The following CERS6 variants were observed in gnomAD, a reference collection of about 807,000 sequenced individuals.
The protein encoded by CERS6 is LAG1 homolog, ceramide synthase 6.
Under a neutral mutation model 56.8 loss-of-function variants are expected in CERS6, and 26 were observed. That is an observed-to-expected ratio of 0.46 (90% CI 0.34 to 0.63). CERS6 has a LOEUF of 0.63. CERS6 is among the 30% of genes least tolerant of loss of function. The pLI, the probability that CERS6 is intolerant of heterozygous loss-of-function variation, is 0.01. For missense variants in CERS6, 415 were observed against 467.5 expected, an observed-to-expected ratio of 0.89 and a Z score of 1.04; for synonymous variants, 164 against 173.3, an observed-to-expected ratio of 0.95 and a Z score of 0.42.
At chr2:168,648,579 T>G (rs1299935407) in intron 4 of CERS6, among the ~76,000 whole-genome samples, 2 of 152,184 alleles carry the variant, frequency 1.3e-5, no homozygotes, top group African/African-American at 4.8e-5. Flanking sequence ...GGGGTTCATT[T>G]GTTCTTGTTC....
intron 2 of CERS6, among the ~76,000 whole-genome samples, chr2:168,558,725 A>C (rs999558236): frequency 7.9e-5 from 12 of 152,134 alleles, no homozygotes; most frequent in Non-Finnish European, 1.2e-4. Flanking sequence ...AAAAATTAGC[A>C]GGGTGTGGTG....
chr2:168,657,417 C>T (rs895312831), intron 4 of CERS6, among the ~76,000 whole-genome samples: 5 of 152,268 alleles, frequency 3.3e-5, no homozygotes, highest in Admixed American at 3.3e-4. Flanking sequence ...GAGCTGCCTG[C>T]CAGTCCTGCG....
intron 4 of CERS6, among the ~76,000 whole-genome samples, chr2:168,640,790 GT>G (rs1025407405): frequency 6.6e-6 from 1 of 152,178 alleles, no homozygotes; most frequent in African/African-American, 2.4e-5. Context: ...AGAAGGCTGA[GT>G]TTTCCTGCTT....
chr2:168,661,733 T>G (rs919099428), intron 4 of CERS6, among the ~76,000 whole-genome samples: 2 of 152,194 alleles, frequency 1.3e-5, no homozygotes, highest in Non-Finnish European at 2.9e-5. Context: ...CTAGGATCCC[T>G]GGGGAGAGCC....
intron 6 of CERS6, among the ~76,000 whole-genome samples, chr2:168,707,991 T>C (rs1050256785): frequency 7.2e-5 from 11 of 152,294 alleles, no homozygotes; most frequent in South Asian, 6.2e-4. Context: ...ATTTTGTGAT[T>C]TATTTGCACA....
chr2:168,700,296 G>C (rs1015784134), intron 6 of CERS6, among the ~76,000 whole-genome samples: 10 of 152,176 alleles, frequency 6.6e-5, no homozygotes, highest in African/African-American at 2.4e-4. Flanking sequence ...GCTTCAGTTA[G>C]TTTTAGGGGA....
rs1685338623 is a variant in CERS6, at chr2:168,651,479, T to TGAGTGTAA, written c.465+20437_465+20438insGAGTGTAA. ...CGTTTTCATACTTGCTGTAAAGAAC[T>TGAGTGTAA]ACCTGAGACTGGGTGATTTATAAAG... is the stretch of plus-strand genomic sequence containing the variant. On this transcript the variant is annotated intron_variant, in intron 4 of 9. Transcript: ENST00000305747. 3.9e-5 allele frequency among the ~76,000 whole-genome samples: 6 copies of TGAGTGTAA among 152,360 alleles called. No homozygotes were observed. In the South Asian group the frequency reaches 1.2e-3, roughly 32 times the overall value.
At position 168,668,483 on chromosome 2, in the gene CERS6, G is replaced by C. The variant is rs181010147; in HGVS notation, c.466-22551G>C. Among the ~76,000 whole-genome samples the C allele has an allele frequency of 1.3e-4, 17 of 127,756 alleles. No individual in the cohort carries two copies. The East Asian group carries it at 2.0e-3, about 15-fold the overall frequency. 83.8% of individuals were successfully genotyped at this position (127,756 alleles called of 152,430 possible). On this transcript the variant is annotated intron_variant, in intron 4 of 9. Transcript: ENST00000305747. ...TTTTCTGGAGACAGAGTCTCATTCT[G>C]TCGCCCAGGCTGGAGTTCAGTGGCA...
At chr2:168,514,500 C>T (rs62175796) in intron 1 of CERS6, among the ~76,000 whole-genome samples, 4,278 of 152,338 alleles carry the variant, frequency 0.028, 77 homozygotes, top group Middle Eastern at 0.048. Flanking sequence ...CCACCACACA[C>T]TACATAAGGT....
intron 1 of CERS6, among the ~76,000 whole-genome samples, chr2:168,515,088 A>G (rs1694862216): frequency 6.6e-6 from 1 of 152,234 alleles, no homozygotes; most frequent in African/African-American, 2.4e-5. Context: ...TAGGAATAAA[A>G]TGAGATTTTA....
intron 1 of CERS6, among the ~76,000 whole-genome samples, chr2:168,535,431 C>T (rs1695242959): frequency 6.6e-6 from 1 of 152,128 alleles, no homozygotes; most frequent in African/African-American, 2.4e-5. Context: ...CTTACTGCTT[C>T]CCTTGGTTGG....
intron 4 of CERS6, among the ~76,000 whole-genome samples, chr2:168,686,614 A>G (rs1027954592): frequency 6.6e-6 from 1 of 152,110 alleles, no homozygotes; most frequent in Non-Finnish European, 1.5e-5. Context: ...CAGTGTTTCT[A>G]GGTAATAGCT....
At chr2:168,573,855 T>C (rs6705232) in intron 3 of CERS6, among the ~76,000 whole-genome samples, 134,534 of 152,062 alleles carry the variant, frequency 0.88, 59,775 homozygotes, top group East Asian at 1. Flanking sequence ...GCCTGGGATA[T>C]GGTTTGCAGA....
At chr2:168,672,574 A>G (rs1685949120) in intron 4 of CERS6, among the ~76,000 whole-genome samples, 1 of 152,236 alleles carries the variant, frequency 6.6e-6, no homozygotes, top group Non-Finnish European at 1.5e-5. Flanking sequence ...GACTGTGGCT[A>G]CTTGGCCATC....
intron 4 of CERS6, among the ~76,000 whole-genome samples, chr2:168,651,116 A>G (rs961853403): frequency 1.1e-4 from 16 of 152,172 alleles, no homozygotes; most frequent in African/African-American, 3.9e-4. Context: ...AATGGTGATA[A>G]TTAGATTTTC....
intron 1 of CERS6, among the ~76,000 whole-genome samples, chr2:168,501,392 T>C (rs1242651298): frequency 1.3e-5 from 2 of 152,150 alleles, no homozygotes; most frequent in African/African-American, 4.8e-5. Flanking sequence ...AGTCAATAGG[T>C]TGGAGGTCGT....
chr2:168,465,208 T>G (rs1693849717), intron 1 of CERS6, among the ~76,000 whole-genome samples: 1 of 152,238 alleles, frequency 6.6e-6, no homozygotes, highest in African/African-American at 2.4e-5. Flanking sequence ...AACAAAATAC[T>G]GTAGACTGGA....
intron 1 of CERS6, among the ~76,000 whole-genome samples, chr2:168,475,449 A>G (rs149292654): frequency 3.4e-4 from 52 of 152,232 alleles, no homozygotes; most frequent in African/African-American, 9.9e-4. Flanking sequence ...GCAATTTTAT[A>G]TCGTGGGATT....
chr2:168,564,398 C>A (rs753970972), intron 3 of CERS6, among the ~76,000 whole-genome samples: 7 of 152,056 alleles, frequency 4.6e-5, no homozygotes, highest in Non-Finnish European at 1.0e-4. Context: ...CATATGTCTC[C>A]TTATTTTTTT....
Sources: allele counts gnomAD v4.1 joint callset (sites outside exome capture counted in the v4.1 genomes callset), GRCh38; gene constraint gnomAD v4.1.1; transcripts MANE v1.5; gene names NCBI Gene and HGNC (gene_info 2026-07-23, HGNC 2026-07-21).